Variants in ELMO1 observed in about 807,000 individuals in gnomAD.
ELMO1 encodes the protein engulfment and cell motility protein 1.
A neutral mutation model predicts 98.9 loss-of-function variants in ELMO1; 26 were observed. That is an observed-to-expected ratio of 0.26 (90% CI 0.19 to 0.36). The LOEUF is 0.36. Among genes scored for constraint, ELMO1 ranks in the 10% least tolerant of loss-of-function variants. The pLI is 1.00. For synonymous variants in ELMO1, 346 were observed against 346.0 expected, an observed-to-expected ratio of 1.00 and a Z score of 0.00; for missense variants, 627 against 935.2, an observed-to-expected ratio of 0.67 and a Z score of 4.30.
intron 15 of ELMO1, among the ~76,000 whole-genome samples, chr7:37,040,224 C>A (rs1795425910): frequency 2.0e-5 from 3 of 152,102 alleles, no homozygotes; most frequent in African/African-American, 7.2e-5. Flanking sequence ...AACTTAGACA[C>A]CTACCACTAG....
chr7:36,968,398 CT>C (rs1789624308), intron 16 of ELMO1, among the ~76,000 whole-genome samples: 1 of 152,148 alleles, frequency 6.6e-6, no homozygotes, highest in Non-Finnish European at 1.5e-5. Context: ...TATACTTCAA[CT>C]GGCAAAGTAT....
intron 1 of ELMO1, chr7:37,435,249 CAA>C (rs1357169936): frequency 6.6e-6 from 1 of 152,156 alleles, no homozygotes; most frequent in Non-Finnish European, 1.5e-5. Flanking sequence ...AGAATATTTC[CAA>C]ATCAAATGCT....
chr7:37,369,916 T>C (rs112793382), intron 1 of ELMO1, among the ~76,000 whole-genome samples: 102 of 152,260 alleles, frequency 6.7e-4, no homozygotes, highest in Non-Finnish European at 1.0e-3. Context: ...CTCCTTCTGA[T>C]CCTCCTTACT....
chr7:37,312,349 A>C (rs146230869), intron 4 of ELMO1, among the ~76,000 whole-genome samples: 1 of 152,220 alleles, frequency 6.6e-6, no homozygotes, highest in Non-Finnish European at 1.5e-5. Flanking sequence ...TTGGCCTCCC[A>C]AAGTGCTGGG....
chr7:37,027,571 A>AT (rs1421980523), intron 15 of ELMO1, among the ~76,000 whole-genome samples: 1 of 152,192 alleles, frequency 6.6e-6, no homozygotes, highest in African/African-American at 2.4e-5. Context: ...ATTCGAAAGG[A>AT]TAGAGATGTA....
Position 36,861,746 on chromosome 7 carries a change from A to G in ELMO1, c.1906-10T>C. 6.2e-7 allele frequency: 1 copy of G among 1,613,106 alleles called. No homozygotes were observed. Among genetic ancestry groups the G allele is most frequent in the Non-Finnish European group, 8.5e-7 (1 of 1,179,550 alleles). ...CGAGTTCAAGCACCTCCTACAAGAG[A>G]TGAGAGAAAACAGCACCTTAAGGAA... On this transcript the variant is annotated splice_polypyrimidine_tract_variant and intron_variant, in intron 20 of 21. Transcript: ENST00000310758.
chr7:36,962,749 T>G (rs1407261862), intron 16 of ELMO1, among the ~76,000 whole-genome samples: 1 of 152,140 alleles, frequency 6.6e-6, no homozygotes, highest in African/African-American at 2.4e-5. Flanking sequence ...GAAGTCCTCC[T>G]TCCTTCTGCA....
chr7:36,963,019 T>C (rs962919069), intron 16 of ELMO1, among the ~76,000 whole-genome samples: 2 of 152,244 alleles, frequency 1.3e-5, no homozygotes, highest in Admixed American at 6.5e-5. Context: ...GAACAACCTA[T>C]GTGTCAACTC....
intron 5 of ELMO1, among the ~76,000 whole-genome samples, chr7:37,267,011 T>TAAAAA (rs1217111170): frequency 1.9e-4 from 13 of 67,794 alleles, no homozygotes; most frequent in South Asian, 1.8e-3. Flanking sequence ...AGACTCCATC[T>TAAAAA]AAAAAAAAAA....
In ELMO1 at chr7:37,423,512, G is replaced by A. The variant is rs149339634; in HGVS notation, c.-74+25163C>T. 1.7e-3 allele frequency among the ~76,000 whole-genome samples: 264 copies of A among 152,256 alleles called. 2 individuals are homozygous for A. The highest frequency in any genetic ancestry group is 5.5e-3 in the African/African-American group (230 of 41,552). Reference sequence around the variant, plus strand: ...GGAGAATCGCTTGAACCCGGGAGGCGGAGGTTGCAGTGAGCTGAGATCTTG... The same window carrying A: ...GGAGAATCGCTTGAACCCGGGAGGCAGAGGTTGCAGTGAGCTGAGATCTTG... On this transcript the variant is annotated intron_variant, in intron 1 of 21. Coordinates refer to ENST00000310758, the MANE Select transcript of ELMO1 (RefSeq NM_014800.11).
intron 10 of ELMO1, 127 bp downstream of exon 10, chr7:37,222,488 G>T: frequency 1.1e-6 from 1 of 925,540 alleles, no homozygotes; most frequent in Admixed American, 2.2e-5. Flanking sequence ...TAGCTGCTCT[G>T]GAGAGTCCAT....
At chr7:37,026,518 A>G (rs2129182873) in intron 15 of ELMO1, among the ~76,000 whole-genome samples, 1 of 152,240 alleles carries the variant, frequency 6.6e-6, no homozygotes, top group African/African-American at 2.4e-5. Context: ...TAGCTGTTAG[A>G]AAAAAATGCA....
rs762458730 is a variant in ELMO1 at position 37,259,269 on chromosome 7, T to C, written c.325A>G (p.Ser109Gly). The change falls in exon 6 of 22, where the codon AGC becomes GGC. Residue 109 changes from serine to glycine, a missense_variant. Coordinates refer to ENST00000310758, the MANE Select transcript of ELMO1 (RefSeq NM_014800.11). ...GCAAACGTGACATCCCGGGAGAGGC[T>C]GGCCAAGTCCTTCAGGGCTTCCAGC... ...AKLEALKDLA[S>G]LSRDVTFAQE... 1.4e-5 allele frequency: 22 copies of C among 1,614,168 alleles called. No individual in the cohort carries two copies. Among genetic ancestry groups the C allele is most frequent in the Non-Finnish European group, 1.9e-5 (22 of 1,180,010 alleles).
chr7:37,124,801 G>T lies in ELMO1; in HGVS notation c.1191+8329C>A, dbSNP rs1786375781. On this transcript the variant is annotated intron_variant, in intron 14 of 21. Coordinates refer to ENST00000310758, the MANE Select transcript of ELMO1 (RefSeq NM_014800.11). The stretch of plus-strand genomic sequence containing the variant: ...AAAAAACTACTTTAAAGTTCATATG[G>T]AACCAAAAAAGAGCCCACATTGCCA... 3.3e-5 allele frequency among the ~76,000 whole-genome samples: 5 copies of T among 152,060 alleles called. No individual in the cohort carries two copies. The South Asian group carries it at 1.0e-3, about 32-fold the overall frequency.
At chr7:37,327,919 A>G (rs575411530) in intron 2 of ELMO1, among the ~76,000 whole-genome samples, 1 of 152,144 alleles carries the variant, frequency 6.6e-6, no homozygotes. Flanking sequence ...TATATCATCA[A>G]CCCAGACTTT....
intron 16 of ELMO1, chr7:36,986,022 T>A (rs1791479155): frequency 1.0e-6 from 1 of 1,002,228 alleles, no homozygotes. Flanking sequence ...AACAATGTGC[T>A]GGAATACCAC....
chr7:37,399,185 TGC>T (rs1336270630), intron 1 of ELMO1, among the ~76,000 whole-genome samples: 5 of 152,188 alleles, frequency 3.3e-5, no homozygotes, highest in Non-Finnish European at 5.9e-5. Context: ...GCCCAGGCTC[TGC>T]CAGGAAATGC....
chr7:36,883,618 G>A (rs971517251), intron 18 of ELMO1, among the ~76,000 whole-genome samples: 1 of 152,084 alleles, frequency 6.6e-6, no homozygotes, highest in African/African-American at 2.4e-5. Flanking sequence ...TCCTCCTGCT[G>A]TGGCCATGTG....
intron 17 of ELMO1, among the ~76,000 whole-genome samples, chr7:36,891,792 A>G (rs1443095791): frequency 1.3e-5 from 2 of 152,202 alleles, no homozygotes; most frequent in South Asian, 2.1e-4. Context: ...ACATTTGTAA[A>G]TGACTCCAGG....
Sources: gnomAD v4.1 joint callset for allele counts (sites outside exome capture counted in the v4.1 genomes callset) on GRCh38, gnomAD v4.1.1 for gene constraint, MANE v1.5 for transcripts, NCBI Gene and HGNC (gene_info 2026-07-23, HGNC 2026-07-21) for gene names.